The following COL3A1 variants were observed in gnomAD, a reference collection of about 807,000 sequenced individuals.
COL3A1 encodes collagen type III alpha 1 chain.
In COL3A1, 46 loss-of-function variants were observed where a neutral mutation model predicts 200.9. The ratio of observed to expected loss-of-function variants is 0.23; its 90% CI spans 0.18 to 0.29. COL3A1 has a LOEUF of 0.29. Among genes scored for constraint, COL3A1 ranks in the 10% least tolerant of loss-of-function variants. The pLI is 1.00. For synonymous variants in COL3A1, 650 were observed against 628.0 expected (o/e 1.03, Z -0.52); for missense variants, 1,367 against 1,917.6 (o/e 0.71, Z 5.36).
chr2:189,006,550 A>G (rs1444835475), intron 43 of COL3A1, 98 bp downstream of exon 43: 1 of 1,119,238 alleles, frequency 8.9e-7, no homozygotes, highest in East Asian at 2.5e-5. Context: ...CAACCAAAAT[A>G]TCCACTGTCA....
At position 189,008,962 on chromosome 2, in the gene COL3A1, A is replaced by C; in HGVS notation, c.3564A>C (p.Gly1188=). The part of the protein sequence containing the change: ...PGHPGQPGPP[G]PPGAPGPCCG... ...ACCCAGGGCAACCAGGCCCTCCTGGACCTCCTGGTGCCCCTGGTCCTTGCT... is the reference window on the plus strand; with the variant it reads ...ACCCAGGGCAACCAGGCCCTCCTGGCCCTCCTGGTGCCCCTGGTCCTTGCT... The change falls in exon 48 of 51, where the codon GGA becomes GGC. Residue 1188 remains glycine, a synonymous_variant. Transcript: ENST00000304636. 6.2e-7 allele frequency: 1 copy of C among 1,614,098 alleles called. No homozygotes were observed. Among genetic ancestry groups the C allele is most frequent in the South Asian group, 1.1e-5 (1 of 91,080 alleles).
chr2:188,995,538 G>A (rs1688286299), intron 21 of COL3A1, 154 bp from the exon 22 acceptor site: 2 of 615,302 alleles, frequency 3.3e-6, no homozygotes, highest in South Asian at 4.3e-5. Flanking sequence ...GGCAATCCAA[G>A]CTAAGATAAC....
At chr2:188,990,933 T>G in intron 10 of COL3A1, 71 bp from the exon 11 acceptor site, 6 of 1,491,844 alleles carry the variant, frequency 4.0e-6, no homozygotes, top group Non-Finnish European at 3.7e-6. Flanking sequence ...AAAAATACCA[T>G]GTAAACTTTA....
At chr2:188,999,653 G>A (rs1688410938) in intron 31 of COL3A1, 76 bp downstream of exon 31, 1 of 1,343,938 alleles carries the variant, frequency 7.4e-7, no homozygotes, top group African/African-American at 1.5e-5. Flanking sequence ...CTCCTGGAAA[G>A]TAATCGACTG....
chr2:188,979,799 T>C (rs1390320268), intron 1 of COL3A1, among the ~76,000 whole-genome samples: 1 of 151,680 alleles, frequency 6.6e-6, no homozygotes, highest in Non-Finnish European at 1.5e-5. Context: ...AGAAAGAAAA[T>C]AGAATGCAGT....
At chr2:188,992,434 T>C (rs993492903) in intron 14 of COL3A1, among the ~76,000 whole-genome samples, 2 of 152,164 alleles carry the variant, frequency 1.3e-5, no homozygotes, top group Non-Finnish European at 2.9e-5. Flanking sequence ...ATATTGTATA[T>C]ACACTCCTGT....
At chr2:188,999,428 T>C (rs1688403814) in intron 30 of COL3A1, 42 bp from the exon 31 acceptor site, 1 of 1,613,996 alleles carries the variant, frequency 6.2e-7, no homozygotes, top group Non-Finnish European at 8.5e-7. Flanking sequence ...AAAATGCATT[T>C]GATTTCCTTC....
At chr2:188,987,589 A>G (rs1405399677) in intron 5 of COL3A1, among the ~76,000 whole-genome samples, 2 of 152,104 alleles carry the variant, frequency 1.3e-5, no homozygotes, top group Non-Finnish European at 2.9e-5. Context: ...TGATCATATA[A>G]ATCTCTATGT....
In COL3A1 at chr2:189,007,096, AATAT is replaced by A. The variant is rs36195651; in HGVS notation, c.3255+147_3255+150del. The A allele has an allele frequency of 0.022, 5,110 of 228,636 alleles. 201 individuals carry two copies. Among genetic ancestry groups the A allele is most frequent in the African/African-American group, 0.032 (878 of 27,552 alleles). 14.2% of individuals were successfully genotyped at this position (228,636 alleles called of 1,614,324 possible). A position where few individuals can be genotyped will look rare whatever the true frequency, so the allele number is the denominator to read the frequency against. ...CCAGCGTGTTCAGGAAAAAAGAATG[AATAT>A]ATATATATATATATATATATATATA... On this transcript the variant is annotated intron_variant, in intron 44 of 50. Transcript: ENST00000304636.
intron 31 of COL3A1, 37 bp from the exon 32 acceptor site, chr2:188,999,805 T>G: frequency 1.3e-6 from 2 of 1,578,332 alleles, no homozygotes; most frequent in Non-Finnish European, 1.7e-6. Context: ...TCACTGAAGA[T>G]ACTTTGAATC....
chr2:188,985,005 A>C, intron 2 of COL3A1, 43 bp downstream of exon 2: 1 of 1,558,588 alleles, frequency 6.4e-7, no homozygotes, highest in Non-Finnish European at 8.8e-7. Context: ...ATTCATATTT[A>C]GACACATGAA....
At chr2:188,980,259 A>G (rs556458866) in intron 1 of COL3A1, among the ~76,000 whole-genome samples, 1 of 151,484 alleles carries the variant, frequency 6.6e-6, no homozygotes, top group East Asian at 1.9e-4. Context: ...TGGTGGTTAG[A>G]TATATGATAC....
chr2:188,999,751 T>C (rs1442286512), intron 31 of COL3A1, 91 bp from the exon 32 acceptor site: 4 of 1,406,334 alleles, frequency 2.8e-6, no homozygotes, highest in Non-Finnish European at 4.0e-6. Context: ...ACCCAATATA[T>C]ATCCCTACAA....
In COL3A1 at chr2:188,999,296, T is replaced by C; in HGVS notation, c.2034T>C (p.Gly678=). The C allele has an allele frequency of 1.3e-6, 2 of 1,575,830 alleles. No homozygotes were observed. The highest frequency in any genetic ancestry group is 1.3e-5 in the African/African-American group (1 of 74,142). ...TATTTTTGTCACAGGGTGATGCTGG[T>C]GCCCCTGGTGAACGTGGACCTCCTG... ...PGAPGGKGDA[G]APGERGPPGL... The change falls in exon 30 of 51, where the codon GGT becomes GGC. Residue 678 remains glycine, a synonymous_variant. Transcript: ENST00000304636.
At position 188,994,975 on chromosome 2, in the gene COL3A1, T is replaced by C; in HGVS notation, c.1456-71T>C. ...AAAGCATTCTATGACATAAAAATAT[T>C]TGCCACTCAAGAATTATGAAAAAGA... On this transcript the variant is annotated intron_variant, in intron 20 of 50. Transcript: ENST00000304636. The surrounding 1 kb of genome is among the most constrained non-coding windows in gnomAD (Gnocchi z 4.5). The C allele has an allele frequency of 6.4e-7, 1 of 1,569,388 alleles. No individual in the cohort carries two copies. The highest frequency in any genetic ancestry group is 8.8e-7 in the Non-Finnish European group (1 of 1,139,436).
chr2:188,995,768 T>C lies in COL3A1; in HGVS notation c.1586T>C (p.Val529Ala), dbSNP rs201980471. ...GCTGGAGAACCTGGCAGAGATGGCG[T>C]CCCTGGAGGTCCAGGAATGAGGGTA... is the stretch of plus-strand genomic sequence containing the variant. ...GAAGEPGRDG[V>A]PGGPGMRGMP... Residue 529 changes from valine (V) to alanine (A), a missense_variant, in exon 22 of 51, where the codon GTC becomes GCC. By Grantham distance (64) the Val-to-Ala change is moderately conservative. Around this residue, in one of 5 missense-constraint regions of COL3A1, gnomAD observed 462 missense variants for 681.4 expected, o/e 0.68. Transcript: ENST00000304636. 12 of 1,562,590 alleles carry C rather than the reference T, an allele frequency of 7.7e-6. No homozygotes were observed. In the African/African-American group the frequency reaches 1.6e-4, roughly 21 times the overall value.
Position 189,003,507 on chromosome 2 carries a change from G to T in COL3A1, c.2607+43G>T, listed in dbSNP as rs773299057. On this transcript the variant is annotated intron_variant, in intron 37 of 50. Transcript: ENST00000304636. ...TAACTATTATTGAAAAGCATTAATTGATATCAACCTGTATAAAAGCTGCAT... is the reference window on the plus strand; with the variant it reads ...TAACTATTATTGAAAAGCATTAATTTATATCAACCTGTATAAAAGCTGCAT... The T allele has an allele frequency of 7.6e-6, 12 of 1,573,834 alleles. No individual in the cohort carries two copies. The East Asian group carries it at 2.2e-4, about 29-fold the overall frequency.
At chr2:188,982,019 G>A (rs995050377) in intron 1 of COL3A1, among the ~76,000 whole-genome samples, 2 of 151,534 alleles carry the variant, frequency 1.3e-5, no homozygotes, top group African/African-American at 4.8e-5. Flanking sequence ...AAATAAAGTT[G>A]CATTAATTCT....
chr2:188,981,714 C>T (rs181420933), intron 1 of COL3A1, among the ~76,000 whole-genome samples: 2 of 151,476 alleles, frequency 1.3e-5, no homozygotes, highest in South Asian at 2.1e-4. Flanking sequence ...CCTCTAGAAA[C>T]AAAACATTCT....
Sources: gnomAD v4.1 joint callset for allele counts (sites outside exome capture counted in the v4.1 genomes callset) on GRCh38, gnomAD v4.1.1 for gene constraint, gnomAD v4.1.1 regional missense constraint, Gnocchi (gnomAD v3.1) non-coding constraint, MANE v1.5 for transcripts, NCBI Gene and HGNC (gene_info 2026-07-23, HGNC 2026-07-21) for gene names.